The following EFR3B variants were observed in gnomAD, a reference collection of about 807,000 sequenced individuals.
EFR3B encodes protein EFR3 homolog B.
EFR3B carries 64 observed loss-of-function variants against 104.7 expected under a neutral mutation model. That is an observed-to-expected ratio of 0.61 (90% CI 0.50 to 0.75). The LOEUF is 0.75. Among genes scored for constraint, EFR3B ranks in the 30% least tolerant of loss-of-function variants. The pLI is 0.00. For missense variants in EFR3B, 750 were observed against 1,078.5 expected (o/e 0.70, Z 4.27); for synonymous variants, 385 against 417.9 (o/e 0.92, Z 0.96).
chr2:25,143,783 G>C lies in EFR3B; in HGVS notation c.1971G>C (p.Gln657His). 2 of 1,551,688 alleles carry C rather than the reference G, an allele frequency of 1.3e-6. No homozygotes were observed. ...DGVVIELLFR[Q>H]SKISEVLGGS... The stretch of plus-strand genomic sequence containing the variant: ...TGGTCATTGAGCTCCTCTTCCGCCA[G>C]AGCAAGATCAGTGAAGTCCTGGGAG... The change falls in exon 18 of 23, where the codon CAG (glutamine) becomes CAC (histidine). Residue 657 changes from glutamine to histidine, a missense_variant. Coordinates refer to ENST00000403714, the MANE Select transcript of EFR3B (RefSeq NM_014971.2).
At chr2:25,111,737 G>T (rs2149195951) in intron 4 of EFR3B, among the ~76,000 whole-genome samples, 1 of 152,346 alleles carries the variant, frequency 6.6e-6, no homozygotes, top group Admixed American at 6.5e-5. Context: ...GATGATGGAA[G>T]CAGAGGGACA....
intron 1 of EFR3B, among the ~76,000 whole-genome samples, chr2:25,056,700 A>G (rs962328876): frequency 1.3e-5 from 2 of 151,960 alleles, no homozygotes; most frequent in African/African-American, 4.8e-5. Context: ...GCCTGGGCCC[A>G]GCAGCTGGCA....
Position 25,132,973 on chromosome 2 carries a change from G to A in EFR3B, c.1218G>A (p.Pro406=), listed in dbSNP as rs367550949. ...EVILFIMSKV[P]RPSLHQAVDT... Reference sequence around the variant, plus strand: ...TCCTCTTCATCATGAGCAAGGTCCCGCGGCCATCCCTGCACCAGGCGGTGG... The same window carrying A: ...TCCTCTTCATCATGAGCAAGGTCCCACGGCCATCCCTGCACCAGGCGGTGG... Residue 406 remains proline, a synonymous_variant, in exon 11 of 23, where the codon CCG becomes CCA. Coordinates refer to ENST00000403714, the MANE Select transcript of EFR3B (RefSeq NM_014971.2). The A allele has an allele frequency of 5.2e-5, 81 of 1,551,486 alleles. 1 individual carries two copies. Among genetic ancestry groups the A allele is most frequent in the Middle Eastern group, 1.7e-4 (1 of 6,014 alleles).
Position 25,059,114 on chromosome 2 carries a change from ATTTT to A in EFR3B, c.7+16808_7+16811del, listed in dbSNP as rs70947864. On this transcript the variant is annotated intron_variant, in intron 1 of 22. Coordinates refer to ENST00000403714, the MANE Select transcript of EFR3B (RefSeq NM_014971.2). ...TATGATAGAATATTATTCAGTGTTG[ATTTT>A]TTTTTTTTTTTTGAGATGGAGTCTC... 5.6e-3 allele frequency among the ~76,000 whole-genome samples: 794 copies of A among 142,098 alleles called. 6 individuals are homozygous for A. The highest frequency in any genetic ancestry group is 0.02 in the African/African-American group (761 of 38,810). The allele number at this position is 142,098 out of a possible 152,430, so 93.2% of individuals were successfully genotyped here. A position where few individuals can be genotyped will look rare whatever the true frequency, so the allele number is the denominator to read the frequency against.
chr2:25,154,185 C>T lies in EFR3B; in HGVS notation c.2349-50C>T. On this transcript the variant is annotated intron_variant, in intron 22 of 22. Coordinates refer to ENST00000403714, the MANE Select transcript of EFR3B (RefSeq NM_014971.2). The surrounding 1 kb of genome is among the most constrained non-coding windows in gnomAD (Gnocchi z 4.1). ...CTGTTTGGTTGCACAAGGGTGGGATCCTAAAATTCTCTTTTCATGCCTTTC... is the reference window on the plus strand; with the variant it reads ...CTGTTTGGTTGCACAAGGGTGGGATTCTAAAATTCTCTTTTCATGCCTTTC... 2 of 1,519,774 alleles carry T rather than the reference C, an allele frequency of 1.3e-6. No individual in the cohort carries two copies. Among genetic ancestry groups the T allele is most frequent in the Non-Finnish European group, 1.8e-6 (2 of 1,118,920 alleles). The allele number at this position is 1,519,774 out of a possible 1,614,324, so 94.1% of individuals were successfully genotyped here.
intron 1 of EFR3B, among the ~76,000 whole-genome samples, chr2:25,047,615 C>T (rs999736325): frequency 6.6e-6 from 1 of 152,142 alleles, no homozygotes; most frequent in Non-Finnish European, 1.5e-5. Flanking sequence ...TCTCATGTCT[C>T]AGCCTCCCGA....
At chr2:25,069,700 T>G (rs915450413) in intron 1 of EFR3B, among the ~76,000 whole-genome samples, 4 of 152,188 alleles carry the variant, frequency 2.6e-5, no homozygotes, top group Admixed American at 6.5e-5. Flanking sequence ...GAAGGGGTAG[T>G]AACTTTTTGT....
rs181892478 is a variant in EFR3B, at chr2:25,149,751, G to A, written c.2191+9G>A. 1.9e-6 allele frequency: 3 copies of A among 1,551,464 alleles called. No homozygotes were observed. In the African/African-American group the frequency reaches 4.1e-5, roughly 21 times the overall value. On this transcript the variant is annotated intron_variant, in intron 20 of 22. Coordinates refer to ENST00000403714, the MANE Select transcript of EFR3B (RefSeq NM_014971.2). Reference sequence around the variant, plus strand: ...ACTGAAGAAAGCCATTGGTAAGTCAGGGCAAAGGGACTCTGGTTAGAGGGC... The same window carrying A: ...ACTGAAGAAAGCCATTGGTAAGTCAAGGCAAAGGGACTCTGGTTAGAGGGC...
At chr2:25,138,043 A>C (rs1325315696) in intron 15 of EFR3B, among the ~76,000 whole-genome samples, 2 of 152,164 alleles carry the variant, frequency 1.3e-5, no homozygotes, top group Non-Finnish European at 2.9e-5. Flanking sequence ...GTGGTGGTGC[A>C]TGCGTGTAGT....
At chr2:25,088,509 G>C (rs1669021335) in intron 1 of EFR3B, among the ~76,000 whole-genome samples, 1 of 152,126 alleles carries the variant, frequency 6.6e-6, no homozygotes, top group Admixed American at 6.5e-5. Context: ...TACCAAGCCA[G>C]CATTGACCAG....
chr2:25,112,287 G>C (rs1669743272), intron 4 of EFR3B, among the ~76,000 whole-genome samples: 1 of 152,276 alleles, frequency 6.6e-6, no homozygotes, highest in Non-Finnish European at 1.5e-5. Flanking sequence ...TGTTCCCCGA[G>C]GTCTGTGCTT....
chr2:25,047,664 A>C lies in EFR3B; in HGVS notation c.7+5345A>C, dbSNP rs1162055952. Among the ~76,000 whole-genome samples, 9 of 151,766 alleles carry C rather than the reference A, an allele frequency of 5.9e-5. No individual in the cohort carries two copies. In the South Asian group the frequency reaches 1.9e-3, roughly 32 times the overall value. Reference sequence around the variant, plus strand: ...CAGGCGTGTGCCACCACACCTGGCTAATTTTTGTATTTTTAGTAGAGATGG... The same window carrying C: ...CAGGCGTGTGCCACCACACCTGGCTCATTTTTGTATTTTTAGTAGAGATGG... On this transcript the variant is annotated intron_variant, in intron 1 of 22. Coordinates refer to ENST00000403714, the MANE Select transcript of EFR3B (RefSeq NM_014971.2).
At chr2:25,106,346 C>T (rs1317425603) in intron 4 of EFR3B, among the ~76,000 whole-genome samples, 1 of 151,952 alleles carries the variant, frequency 6.6e-6, no homozygotes, top group Non-Finnish European at 1.5e-5. Flanking sequence ...ATGGAGTGCA[C>T]TGGCATGATC....
At chr2:25,122,805 A>G (rs1670051404) in intron 5 of EFR3B, among the ~76,000 whole-genome samples, 1 of 151,892 alleles carries the variant, frequency 6.6e-6, no homozygotes, top group Non-Finnish European at 1.5e-5. Flanking sequence ...CTTGTTCACC[A>G]CCTGTCTCTT....
chr2:25,103,850 G>A, intron 4 of EFR3B, 63 bp downstream of exon 4: 1 of 1,539,106 alleles, frequency 6.5e-7, no homozygotes, highest in African/African-American at 1.4e-5. Flanking sequence ...GCAGGGGAGA[G>A]GGAGACCTCG....
chr2:25,144,713 C>A (rs767037887), intron 18 of EFR3B, among the ~76,000 whole-genome samples: 1 of 152,228 alleles, frequency 6.6e-6, no homozygotes, highest in Non-Finnish European at 1.5e-5. Flanking sequence ...TAAGCACCTT[C>A]TTTGTGTTCT....
intron 4 of EFR3B, among the ~76,000 whole-genome samples, chr2:25,107,922 C>T (rs1244171070): frequency 1.3e-5 from 2 of 151,870 alleles, no homozygotes; most frequent in Admixed American, 6.6e-5. Flanking sequence ...TGGCTCGCTG[C>T]AACCTCCGCC....
chr2:25,045,978 G>A (rs547220005), intron 1 of EFR3B, among the ~76,000 whole-genome samples: 1 of 152,268 alleles, frequency 6.6e-6, no homozygotes, highest in South Asian at 2.1e-4. Context: ...TAACACCAAA[G>A]CTGCCCTAAT....
chr2:25,148,944 A>G (rs11895520), intron 19 of EFR3B, among the ~76,000 whole-genome samples: 3 of 145,078 alleles, frequency 2.1e-5, no homozygotes, highest in African/African-American at 5.1e-5. Context: ...AAAAAAAAAA[A>G]AAAGACTTCA....
Sources: gnomAD v4.1 joint callset for allele counts (sites outside exome capture counted in the v4.1 genomes callset) on GRCh38, gnomAD v4.1.1 for gene constraint, Gnocchi (gnomAD v3.1) non-coding constraint, MANE v1.5 for transcripts, NCBI Gene and HGNC (gene_info 2026-07-23, HGNC 2026-07-21) for gene names.